The following DPH6 variants were observed in gnomAD, a reference collection of about 807,000 sequenced individuals.
DPH6 encodes the protein diphthamine biosynthesis 6, also known as diphthine--ammonia ligase.
A neutral mutation model predicts 38.2 loss-of-function variants in DPH6; 33 were observed. The observed-to-expected ratio is 0.86, with a 90% CI of 0.65 to 1.15. The LOEUF (loss-of-function observed/expected upper bound fraction) is 1.15, where lower values mean the gene tolerates loss of function less well. Ranked by LOEUF, DPH6 falls within the 50% of genes most tolerant of loss-of-function variation. The probability of loss-of-function intolerance (pLI) is 0.00; values close to 1 mark genes in which losing one functional copy is unlikely to be tolerated. For synonymous variants in DPH6, 108 were observed against 103.0 expected (o/e 1.05, Z -0.30); for missense variants, 325 against 320.0 (o/e 1.02, Z -0.12).
chr15:35,511,056 G>A (rs529069066), intron 3 of DPH6, among the ~76,000 whole-genome samples: 3 of 152,168 alleles, frequency 2.0e-5, no homozygotes, highest in Admixed American at 6.5e-5. Flanking sequence ...TCAGACCAGC[G>A]GCCTCAGCAT....
At chr15:35,360,220 T>A (rs1158845241) in intron 3 of DPH6, among the ~76,000 whole-genome samples, 1 of 152,148 alleles carries the variant, frequency 6.6e-6, no homozygotes. Flanking sequence ...AAGATCACGA[T>A]TAACTGGGGC....
chr15:35,316,430 A>G (rs912237226), intron 3 of DPH6, among the ~76,000 whole-genome samples: 3 of 152,236 alleles, frequency 2.0e-5, no homozygotes, highest in Non-Finnish European at 4.4e-5. Context: ...TGTATAAAAA[A>G]GAACTGAAAA....
intron 3 of DPH6, among the ~76,000 whole-genome samples, chr15:35,248,683 C>T (rs1486600462): frequency 2.6e-5 from 4 of 152,200 alleles, no homozygotes; most frequent in African/African-American, 7.2e-5. Context: ...ATGCTTTTGT[C>T]AGTCTGTCTT....
At chr15:35,265,259 A>C (rs1056163611) in intron 3 of DPH6, among the ~76,000 whole-genome samples, 3 of 152,326 alleles carry the variant, frequency 2.0e-5, no homozygotes, top group African/African-American at 7.2e-5. Flanking sequence ...GGACAGTATA[A>C]GTGTAAGAAA....
chr15:35,435,773 A>G (rs1027742371), intron 5 of DPH6, among the ~76,000 whole-genome samples: 7 of 151,978 alleles, frequency 4.6e-5, no homozygotes, highest in Non-Finnish European at 8.8e-5. Context: ...CGGGCATATG[A>G]GGAGGGGTGA....
downstream of DPH6, among the ~76,000 whole-genome samples, chr15:35,215,289 ATG>A (rs1242637590): frequency 2.0e-5 from 3 of 152,248 alleles, no homozygotes; most frequent in Non-Finnish European, 2.9e-5. Flanking sequence ...GATTGTCTAG[ATG>A]TCAGAGTAAT....
intron 3 of DPH6, among the ~76,000 whole-genome samples, chr15:35,476,964 CAACAT>C (rs1043792977): frequency 5.5e-4 from 83 of 151,780 alleles, no homozygotes; most frequent in African/African-American, 1.9e-3. Context: ...AAAATGAACA[CAACAT>C]GAGACTTTCA....
exon 4 of DPH6, chr15:35,217,739 T>C (rs1262183206): frequency 1.3e-5 from 2 of 152,264 alleles, no homozygotes; most frequent in African/African-American, 4.8e-5. Context: ...AGCAACTGTG[T>C]GCCCAACTTT....
At chr15:35,378,583 C>T (rs2052814623) in intron 7 of DPH6, among the ~76,000 whole-genome samples, 1 of 152,128 alleles carries the variant, frequency 6.6e-6, no homozygotes, top group Non-Finnish European at 1.5e-5. Flanking sequence ...ACCTAAATGT[C>T]CATCAACAAT....
chr15:35,196,967 T>C, the DPH6 span, among the ~76,000 whole-genome samples: 2 of 152,210 alleles, frequency 1.3e-5, no homozygotes, highest in East Asian at 1.9e-4. Flanking sequence ...TTTTGAAATA[T>C]GCAATGAACT....
chr15:35,330,766 C>G (rs556155497), downstream of DPH6: 2 of 152,140 alleles, frequency 1.3e-5, no homozygotes, highest in East Asian at 3.9e-4. Context: ...TTTTGAATTT[C>G]TAAATAAATA....
intron 3 of DPH6, among the ~76,000 whole-genome samples, chr15:35,310,220 A>G (rs1424641352): frequency 6.6e-6 from 1 of 152,178 alleles, no homozygotes; most frequent in Non-Finnish European, 1.5e-5. Context: ...CAAAAATGGC[A>G]TTTTTGCAAA....
In DPH6 at chr15:35,341,614, T is replaced by C. The variant is rs188376681; in HGVS notation, n.208-10537A>G. On this transcript the variant is annotated intron_variant and non_coding_transcript_variant, in intron 3 of 3. Transcript: ENST00000558973. ...TTTTCTTTTAACAGTCAGGCTACTCTTCCACAGAGCTGCTGTGGTTTGCTG... is the reference window on the plus strand; with the variant it reads ...TTTTCTTTTAACAGTCAGGCTACTCCTCCACAGAGCTGCTGTGGTTTGCTG... Among the ~76,000 whole-genome samples the C allele has an allele frequency of 1.5e-3, 233 of 152,320 alleles. 1 individual carries two copies. The highest frequency in any genetic ancestry group is 0.011 in the Admixed American group (163 of 15,300).
At chr15:35,479,594 T>C (rs1363624302) in intron 3 of DPH6, among the ~76,000 whole-genome samples, 4 of 152,094 alleles carry the variant, frequency 2.6e-5, no homozygotes, top group African/African-American at 9.7e-5. Flanking sequence ...CAAAATATCA[T>C]AGGGTTACAG....
At chr15:35,487,814 C>T (rs2054425207) in intron 3 of DPH6, among the ~76,000 whole-genome samples, 1 of 152,196 alleles carries the variant, frequency 6.6e-6, no homozygotes, top group Non-Finnish European at 1.5e-5. Context: ...GGTGAGACTG[C>T]AAATTTTCCC....
At chr15:35,451,872 T>A (rs574009580) in intron 4 of DPH6, among the ~76,000 whole-genome samples, 1 of 152,136 alleles carries the variant, frequency 6.6e-6, no homozygotes, top group Non-Finnish European at 1.5e-5. Flanking sequence ...TAGCCAGGCA[T>A]GGTGGCGGGC....
the DPH6 span, among the ~76,000 whole-genome samples, chr15:35,189,797 T>C: frequency 6.6e-6 from 1 of 152,154 alleles, no homozygotes; most frequent in Non-Finnish European, 1.5e-5. Context: ...GGGCGGATGG[T>C]TGAGACTTAA....
At chr15:35,298,933 C>T in intron 3 of DPH6, 1 of 794,918 alleles carries the variant, frequency 1.3e-6, no homozygotes, top group Non-Finnish European at 2.3e-6. Context: ...GCAATGGCAG[C>T]TCCGCCCATA....
intron 3 of DPH6, among the ~76,000 whole-genome samples, chr15:35,227,174 CTTTTTTTTTT>C (rs71415001): frequency 2.6e-5 from 2 of 77,080 alleles, no homozygotes; most frequent in South Asian, 4.4e-4. Flanking sequence ...ATAACATCTT[CTTTTTTTTTT>C]TTTTTTTTTT....
Sources: allele counts gnomAD v4.1 joint callset (sites outside exome capture counted in the v4.1 genomes callset), GRCh38; gene constraint gnomAD v4.1.1; transcripts MANE v1.5; gene names NCBI Gene and HGNC (gene_info 2026-07-23, HGNC 2026-07-21).